MBTD1: variants seen among roughly 807,000 people sequenced by gnomAD.
MBTD1 encodes the protein MBT domain-containing protein 1.
Under a neutral mutation model 87.8 loss-of-function variants are expected in MBTD1, and 24 were observed. That is an observed-to-expected ratio of 0.27 (90% CI 0.20 to 0.38). The LOEUF is 0.38. Ranked by LOEUF, MBTD1 falls within the 10% of genes least tolerant of loss-of-function variation. The probability of loss-of-function intolerance (pLI) is 1.00; values close to 1 mark genes in which losing one functional copy is unlikely to be tolerated. For missense variants in MBTD1, 436 were observed against 760.2 expected (o/e 0.57, Z 5.02); for synonymous variants, 237 against 248.6 (o/e 0.95, Z 0.44).
chr17:51,251,127 GCT>G (rs2054755203), intron 2 of MBTD1: 1 of 152,006 alleles, frequency 6.6e-6, no homozygotes, highest in Non-Finnish European at 1.5e-5. Flanking sequence ...ATTTTTTCCT[GCT>G]TTTTTTGATG....
Position 51,243,522 on chromosome 17 carries a change from A to G in MBTD1, c.-49+15621T>C, listed in dbSNP as rs183013628. 4.4e-3 allele frequency among the ~76,000 whole-genome samples: 677 copies of G among 152,298 alleles called. 5 individuals are homozygous for G. The highest frequency in any genetic ancestry group is 6.8e-3 in the Middle Eastern group (2 of 294). The stretch of plus-strand genomic sequence containing the variant: ...AATAAAAACATTTTCTTATAACTGG[A>G]GCACAGTTATCAGTTTTAGGAAATC... On this transcript the variant is annotated intron_variant, in intron 2 of 16. Coordinates refer to ENST00000586178, the MANE Select transcript of MBTD1 (RefSeq NM_017643.3).
At chr17:51,250,208 G>C (rs1349204240) in intron 2 of MBTD1, 1 of 151,746 alleles carries the variant, frequency 6.6e-6, no homozygotes, top group South Asian at 2.1e-4. Flanking sequence ...CATGGCCTTA[G>C]TTTTTCCTTT....
At chr17:51,228,789 C>T (rs370851894) in intron 2 of MBTD1, among the ~76,000 whole-genome samples, 6 of 150,398 alleles carry the variant, frequency 4.0e-5, no homozygotes, top group South Asian at 2.1e-4. Context: ...CCCAGCTACT[C>T]GGGAGGCTGA....
intron 2 of MBTD1, among the ~76,000 whole-genome samples, chr17:51,234,840 T>C (rs1395378361): frequency 1.3e-5 from 2 of 152,130 alleles, no homozygotes; most frequent in South Asian, 2.1e-4. Flanking sequence ...ATTACAGGCA[T>C]ATACCACCAC....
At chr17:51,189,035 G>C (rs2050680408) in intron 16 of MBTD1, among the ~76,000 whole-genome samples, 1 of 152,158 alleles carries the variant, frequency 6.6e-6, no homozygotes, top group African/African-American at 2.4e-5. Flanking sequence ...TGGGATTATA[G>C]GCGTGAGCCA....
At chr17:51,254,207 C>T (rs1257495237) in intron 2 of MBTD1, among the ~76,000 whole-genome samples, 1 of 152,148 alleles carries the variant, frequency 6.6e-6, no homozygotes, top group Non-Finnish European at 1.5e-5. Flanking sequence ...TTGGTAGGAG[C>T]TCAAGAGCTA....
intron 6 of MBTD1, chr17:51,209,538 G>T (rs2052047735): frequency 2.1e-6 from 1 of 467,444 alleles, no homozygotes. Flanking sequence ...AAGAAAATAA[G>T]TGGGTGGGAA....
intron 11 of MBTD1, 134 bp from the exon 12 acceptor site, chr17:51,201,830 G>A: frequency 2.7e-6 from 2 of 750,028 alleles, no homozygotes; most frequent in Admixed American, 2.6e-5. Context: ...CTTCCATTAA[G>A]GTTTAGAGAG....
At chr17:51,184,879 T>C (rs889785968) in intron 16 of MBTD1, 1 of 152,196 alleles carries the variant, frequency 6.6e-6, no homozygotes, top group African/African-American at 2.4e-5. Context: ...CATTTTTCTG[T>C]TAAAGAGCAG....
intron 16 of MBTD1, among the ~76,000 whole-genome samples, chr17:51,190,456 C>A (rs1425355330): frequency 6.6e-6 from 1 of 151,912 alleles, no homozygotes; most frequent in African/African-American, 2.4e-5. Context: ...CAGAGGATCA[C>A]ACCTGTAATC....
chr17:51,198,945 G>C (rs1201080005), intron 12 of MBTD1, among the ~76,000 whole-genome samples: 5 of 152,050 alleles, frequency 3.3e-5, no homozygotes, highest in African/African-American at 9.7e-5. Flanking sequence ...TGGGATTATA[G>C]GTACACACCA....
At chr17:51,238,689 A>T (rs1173441668) in intron 2 of MBTD1, among the ~76,000 whole-genome samples, 6 of 152,334 alleles carry the variant, frequency 3.9e-5, no homozygotes, top group African/African-American at 1.4e-4. Flanking sequence ...CCAATCAGTA[A>T]CTGCAGGAAA....
chr17:51,203,022 G>GTATTTTTTATGTA, intron 9 of MBTD1, 87 bp from the exon 10 acceptor site: 1 of 1,265,344 alleles, frequency 7.9e-7, no homozygotes, highest in Non-Finnish European at 1.1e-6. Flanking sequence ...AATACTGAAT[G>GTATTTTTTATGTA]CACTTGAAAT....
At chr17:51,257,392 T>C (rs1204438204) in intron 2 of MBTD1, among the ~76,000 whole-genome samples, 1 of 152,260 alleles carries the variant, frequency 6.6e-6, no homozygotes, top group East Asian at 1.9e-4. Context: ...TCTTGGCTTT[T>C]AGTAATTCAG....
At chr17:51,201,726 G>A in intron 11 of MBTD1, 30 bp from the exon 12 acceptor site, 3 of 1,325,514 alleles carry the variant, frequency 2.3e-6, no homozygotes, top group South Asian at 1.2e-5. Context: ...CACATCTACT[G>A]TTACAAATGT....
At chr17:51,252,598 T>C (rs527813991) in intron 2 of MBTD1, among the ~76,000 whole-genome samples, 44 of 151,990 alleles carry the variant, frequency 2.9e-4, no homozygotes, top group South Asian at 2.3e-3. Flanking sequence ...CAGCCATGTG[T>C]GGTGGTGGCA....
rs1568135584 is a variant in MBTD1, at chr17:51,179,490, A to ATATATATATATATATTTATATATT, written c.*1085_*1086insAATATATAAATATATATATATATA. 1 of 23,548 alleles carries ATATATATATATATATTTATATATT rather than the reference A, an allele frequency of 4.2e-5. No homozygotes were observed. The highest frequency in any genetic ancestry group is 9.0e-5 in the Non-Finnish European group (1 of 11,156). 1.5% of individuals were successfully genotyped at this position (23,548 alleles called of 1,614,324 possible). On this transcript the variant is annotated 3_prime_UTR_variant, in exon 17 of 17. Transcript: ENST00000586178. ...AATACAATTAAAGACAATTTTATAT[A>ATATATATATATATATTTATATATT]TATATATATATATATATATATATAT...
intron 2 of MBTD1, among the ~76,000 whole-genome samples, chr17:51,252,196 ATTT>A (rs1431806094): frequency 6.6e-6 from 1 of 152,220 alleles, no homozygotes; most frequent in Non-Finnish European, 1.5e-5. Flanking sequence ...TGTCACTCTC[ATTT>A]TACAGGAGGA....
At chr17:51,248,446 T>C (rs1293017383) in intron 2 of MBTD1, among the ~76,000 whole-genome samples, 1 of 152,218 alleles carries the variant, frequency 6.6e-6, no homozygotes, top group Non-Finnish European at 1.5e-5. Context: ...TTTTACCCAT[T>C]AAACTTTTAA....
Sources: allele counts gnomAD v4.1 joint callset (sites outside exome capture counted in the v4.1 genomes callset), GRCh38; gene constraint gnomAD v4.1.1; transcripts MANE v1.5; gene names NCBI Gene and HGNC (gene_info 2026-07-23, HGNC 2026-07-21).